NIPBL: variants seen among roughly 807,000 people sequenced by gnomAD.
The protein encoded by NIPBL is nipped-B-like protein.
A neutral mutation model predicts 321.8 loss-of-function variants in NIPBL; 19 were observed. That is an observed-to-expected ratio of 0.06 (90% CI 0.04 to 0.09). NIPBL has a LOEUF of 0.09. NIPBL is among the 10% of genes least tolerant of loss of function. NIPBL has a pLI of 1.00. For synonymous variants in NIPBL, 1,106 were observed against 1,114.1 expected (o/e 0.99, Z 0.14); for missense variants, 2,210 against 3,327.0 (o/e 0.66, Z 8.26).
intron 17 of NIPBL, 114 bp from the exon 18 acceptor site, chr5:37,007,209 A>G (rs1330869361): frequency 1.2e-6 from 1 of 828,770 alleles, no homozygotes; most frequent in African/African-American, 1.7e-5. Context: ...TTTATCTTCC[A>G]GGTTCTGTAG....
At chr5:37,036,725 A>G (rs973574670) in intron 33 of NIPBL, among the ~76,000 whole-genome samples, 2 of 151,350 alleles carry the variant, frequency 1.3e-5, no homozygotes, top group African/African-American at 4.9e-5. Context: ...CCTCTTTCAC[A>G]TATCTTTTAA....
Position 37,001,870 on chromosome 5 carries a change from G to C in NIPBL, c.3664+792G>C, listed in dbSNP as rs567471851. Among the ~76,000 whole-genome samples the C allele has an allele frequency of 1.5e-4, 23 of 152,254 alleles. 1 individual carries two copies. The South Asian group carries it at 4.6e-3, about 30-fold the overall frequency. On this transcript the variant is annotated intron_variant, in intron 14 of 46. Coordinates refer to ENST00000282516, the MANE Select transcript of NIPBL (RefSeq NM_133433.4). ...AACAATCTTATGCCACCTTCAGCTG[G>C]TAAAGTAAGTATTTGTTTTGTGAGA...
intron 27 of NIPBL, among the ~76,000 whole-genome samples, chr5:37,021,485 G>A (rs538992306): frequency 2.9e-4 from 44 of 151,892 alleles, no homozygotes; most frequent in Middle Eastern, 6.9e-3. Flanking sequence ...GATCAAGACC[G>A]TCCTGGCTAA....
chr5:36,985,986 G>A lies in NIPBL; in HGVS notation c.2806G>A (p.Asp936Asn). The change falls in exon 10 of 47, where the codon GAC (aspartate) becomes AAC (asparagine). Residue 936 changes from aspartate to asparagine, a missense_variant. Physicochemically the swap from Asp to Asn is conservative, Grantham distance 23. Around this residue, in one of 14 missense-constraint regions of NIPBL, gnomAD observed 588 missense variants for 564.1 expected, o/e 1.04. Coordinates refer to ENST00000282516, the MANE Select transcript of NIPBL (RefSeq NM_133433.4). ...AGTAGACACTAATAAAGCACACCCT[G>A]ACAATAAGGCAGAATTTCCAAGTTA... ...SKVDTNKAHPDNKAEFPSYLL... is the reference protein window; with the variant it reads ...SKVDTNKAHPNNKAEFPSYLL... 1 of 1,613,982 alleles carries A rather than the reference G, an allele frequency of 6.2e-7. No individual in the cohort carries two copies. The highest frequency in any genetic ancestry group is 8.5e-7 in the Non-Finnish European group (1 of 1,179,940).
chr5:36,885,922 C>T (rs1745866662), intron 1 of NIPBL: 4 of 737,484 alleles, frequency 5.4e-6, no homozygotes, highest in Non-Finnish European at 1.0e-5. Context: ...TAGATGCTCC[C>T]AAATCTCAGG....
intron 1 of NIPBL, among the ~76,000 whole-genome samples, chr5:36,952,940 A>G (rs2149596679): frequency 6.6e-6 from 1 of 152,314 alleles, no homozygotes; most frequent in South Asian, 2.1e-4. Flanking sequence ...AGAGTAGATT[A>G]AGATACTCAT....
At chr5:36,957,352 G>A (rs1469839625) in intron 3 of NIPBL, among the ~76,000 whole-genome samples, 1 of 152,194 alleles carries the variant, frequency 6.6e-6, no homozygotes, top group Non-Finnish European at 1.5e-5. Context: ...CTTAATCAGT[G>A]TGGCAACAGT....
intron 10 of NIPBL, among the ~76,000 whole-genome samples, chr5:36,992,974 C>G (rs1450650867): frequency 6.6e-6 from 1 of 152,034 alleles, no homozygotes; most frequent in African/African-American, 2.4e-5. Flanking sequence ...ATCTCCTGAC[C>G]TCGTGATCCA....
At chr5:36,877,239 G>GTC (rs1745147804) in intron 1 of NIPBL, 61 bp downstream of exon 1, 1 of 179,170 alleles carries the variant, frequency 5.6e-6, no homozygotes, top group African/African-American at 2.4e-5. Context: ...GGTCCTCAGC[G>GTC]TCTCTCCTCC....
At chr5:36,911,985 G>A (rs565305070) in intron 1 of NIPBL, among the ~76,000 whole-genome samples, 124 of 152,270 alleles carry the variant, frequency 8.1e-4, no homozygotes, top group African/African-American at 2.8e-3. Context: ...ACTTTTAAGA[G>A]GGGAGTCATT....
intron 22 of NIPBL, 144 bp downstream of exon 22, chr5:37,014,909 T>C (rs1748756378): frequency 1.6e-6 from 1 of 643,570 alleles, no homozygotes; most frequent in Admixed American, 2.6e-5. Context: ...ATCTTTAAAA[T>C]GAGGCAATTG....
intron 43 of NIPBL, 95 bp downstream of exon 43, chr5:37,057,427 C>T (rs1754215859): frequency 1.6e-6 from 2 of 1,218,538 alleles, no homozygotes; most frequent in Non-Finnish European, 2.4e-6. Flanking sequence ...TTATCCTCTT[C>T]ACGAGTATAT....
chr5:37,048,728 T>C, intron 39 of NIPBL, 53 bp downstream of exon 39: 1 of 1,315,856 alleles, frequency 7.6e-7, no homozygotes, highest in Non-Finnish European at 1.1e-6. Flanking sequence ...TTATAATGGC[T>C]TTATCTTCTT....
intron 1 of NIPBL, among the ~76,000 whole-genome samples, chr5:36,952,580 TG>T (rs1180638508): frequency 2.6e-5 from 4 of 152,160 alleles, no homozygotes; most frequent in African/African-American, 9.6e-5. Flanking sequence ...GAGAAAAATT[TG>T]GGGGCTTGGA....
chr5:36,919,730 A>G (rs1371970693), intron 1 of NIPBL, among the ~76,000 whole-genome samples: 1 of 152,130 alleles, frequency 6.6e-6, no homozygotes, highest in Non-Finnish European at 1.5e-5. Flanking sequence ...TTTTTCTAAC[A>G]CAGCAAATTG....
At chr5:37,020,392 A>G in intron 25 of NIPBL, 67 bp from the exon 26 acceptor site, 3 of 1,100,380 alleles carry the variant, frequency 2.7e-6, no homozygotes, top group Non-Finnish European at 4.1e-6. Flanking sequence ...TGAGCACTCT[A>G]ACTTTATTAA....
chr5:36,953,673 G>A lies in NIPBL; in HGVS notation c.-24G>A, dbSNP rs770720531. On this transcript the variant is annotated 5_prime_UTR_variant, in exon 2 of 47. Coordinates refer to ENST00000282516, the MANE Select transcript of NIPBL (RefSeq NM_133433.4). ...GCACCTGAACTAAGTACTTTTATAGGCAACACCATTCCAGAAATTCAGGAT... is the reference window on the plus strand; with the variant it reads ...GCACCTGAACTAAGTACTTTTATAGACAACACCATTCCAGAAATTCAGGAT... The A allele has an allele frequency of 3.7e-6, 6 of 1,608,938 alleles. No individual in the cohort carries two copies. Among genetic ancestry groups the A allele is most frequent in the Non-Finnish European group, 4.3e-6 (5 of 1,175,446 alleles).
chr5:36,975,798 A>G lies in NIPBL; in HGVS notation c.891A>G (p.Leu297=), dbSNP rs373684382. 5.6e-6 allele frequency: 9 copies of G among 1,613,622 alleles called. No homozygotes were observed. Among genetic ancestry groups the G allele is most frequent in the Middle Eastern group, 1.6e-4 (1 of 6,084 alleles). ...TPKGSRPPLI[L]QSQSLPCSSP... ...TAGGCTCAAGACCACCTTTAATCCT[A>G]CAATCTCAGTCTCTACCTTGTTCAT... Residue 297 remains leucine, a synonymous_variant, in exon 9 of 47, where the codon CTA becomes CTG. Transcript: ENST00000282516.
intron 9 of NIPBL, among the ~76,000 whole-genome samples, chr5:36,983,382 T>C (rs1255712912): frequency 2.0e-5 from 3 of 151,804 alleles, no homozygotes; most frequent in Non-Finnish European, 2.9e-5. Flanking sequence ...AACTGCTACT[T>C]CCCACTTTAA....
Sources: allele counts gnomAD v4.1 joint callset (sites outside exome capture counted in the v4.1 genomes callset), GRCh38; gene constraint gnomAD v4.1.1; regional missense constraint gnomAD v4.1.1; transcripts MANE v1.5; gene names NCBI Gene and HGNC (gene_info 2026-07-23, HGNC 2026-07-21).